The following USP20 variants were observed in gnomAD, a reference collection of about 807,000 sequenced individuals.
USP20 encodes the protein ubiquitin carboxyl-terminal hydrolase 20.
USP20 carries 80 observed loss-of-function variants against 124.2 expected under a neutral mutation model. The observed-to-expected ratio is 0.64, with a 90% CI of 0.54 to 0.78. USP20 has a LOEUF of 0.78. USP20 is among the 30% of genes least tolerant of loss of function. USP20 has a pLI of 0.00. For missense variants in USP20, 1,043 were observed against 1,244.4 expected (o/e 0.84, Z 2.44); for synonymous variants, 481 against 512.3 (o/e 0.94, Z 0.83).
At chr9:129,836,206 C>T (rs964364713) in intron 1 of USP20, among the ~76,000 whole-genome samples, 5 of 152,210 alleles carry the variant, frequency 3.3e-5, no homozygotes, top group African/African-American at 1.2e-4. Context: ...ATAATGGCTT[C>T]TAGGACTTTT....
At chr9:129,868,739 CAGAGG>C in intron 11 of USP20, 118 bp from the exon 12 acceptor site, 1 of 1,452,752 alleles carries the variant, frequency 6.9e-7, no homozygotes, top group Non-Finnish European at 9.1e-7. Context: ...GGGCACATGA[CAGAGG>C]AGACACATTA....
intron 1 of USP20, among the ~76,000 whole-genome samples, chr9:129,843,659 C>T (rs1303636615): frequency 1.3e-5 from 2 of 152,122 alleles, no homozygotes; most frequent in Admixed American, 1.3e-4. Flanking sequence ...ATTGCTTGAA[C>T]CCAGGAGGTG....
At chr9:129,867,945 G>A (rs943095655) in intron 10 of USP20, 60 bp from the exon 11 acceptor site, 87 of 1,546,268 alleles carry the variant, frequency 5.6e-5, no homozygotes, top group Non-Finnish European at 6.9e-5. Flanking sequence ...GCCACAGGGC[G>A]CTGGAGACTG....
chr9:129,878,626 C>A (rs905052077), intron 23 of USP20, among the ~76,000 whole-genome samples, 186 bp downstream of exon 23: 4 of 152,156 alleles, frequency 2.6e-5, no homozygotes, highest in African/African-American at 9.7e-5. Context: ...CTGTCCCCAC[C>A]CAGAGGCAGG....
chr9:129,853,356 T>C (rs1046352939), intron 3 of USP20, among the ~76,000 whole-genome samples: 4 of 152,230 alleles, frequency 2.6e-5, no homozygotes, highest in African/African-American at 7.2e-5. Flanking sequence ...AGCTTTCACA[T>C]TTGTTACCTT....
chr9:129,870,000 T>C, intron 14 of USP20, 156 bp downstream of exon 14: 1 of 830,126 alleles, frequency 1.2e-6, no homozygotes, highest in Non-Finnish European at 1.9e-6. Context: ...TGGCTTAATA[T>C]GCAGGGGATT....
chr9:129,845,659 T>G (rs1044120880), intron 1 of USP20, among the ~76,000 whole-genome samples: 5 of 152,042 alleles, frequency 3.3e-5, no homozygotes, highest in African/African-American at 1.2e-4. Context: ...CCAAAAGCAC[T>G]AGGATTACAG....
At chr9:129,873,170 G>A (rs912491765) in intron 15 of USP20, among the ~76,000 whole-genome samples, 9 of 126,576 alleles carry the variant, frequency 7.1e-5, no homozygotes, top group African/African-American at 2.6e-4. Context: ...TCTGCCCCGA[G>A]CCCCCCAGGT....
intron 9 of USP20, 102 bp from the exon 10 acceptor site, chr9:129,865,201 C>G (rs913319): frequency 8.0e-7 from 1 of 1,245,756 alleles, no homozygotes; most frequent in Non-Finnish European, 1.2e-6. Flanking sequence ...TGTCAGGAAA[C>G]GCCACACTCT....
chr9:129,850,374 A>G (rs1174534064), intron 2 of USP20, among the ~76,000 whole-genome samples: 2 of 152,178 alleles, frequency 1.3e-5, no homozygotes, highest in Non-Finnish European at 2.9e-5. Flanking sequence ...GAGACCTTAG[A>G]CAAGAAGGAG....
intron 1 of USP20, among the ~76,000 whole-genome samples, chr9:129,841,103 T>C (rs537660581): frequency 1.3e-5 from 2 of 152,308 alleles, no homozygotes; most frequent in East Asian, 3.9e-4. Flanking sequence ...ATCATGTATT[T>C]GTTTCCCAGA....
At chr9:129,876,752 T>C (rs903251132) in intron 22 of USP20, among the ~76,000 whole-genome samples, 44 of 152,090 alleles carry the variant, frequency 2.9e-4, no homozygotes, top group African/African-American at 9.2e-4. Flanking sequence ...AAGTGAAGCC[T>C]CATCGCCCGG....
intron 1 of USP20, among the ~76,000 whole-genome samples, chr9:129,840,131 A>G (rs987336190): frequency 5.3e-5 from 8 of 152,212 alleles, no homozygotes; most frequent in Non-Finnish European, 1.2e-4. Flanking sequence ...GTTGTACAGT[A>G]GGTCCTACTC....
intron 10 of USP20, among the ~76,000 whole-genome samples, chr9:129,867,306 C>T (rs1189523375): frequency 6.6e-6 from 1 of 152,208 alleles, no homozygotes; most frequent in East Asian, 1.9e-4. Flanking sequence ...GCTGCCTTGG[C>T]TTCCTGCTGT....
chr9:129,862,063 G>A (rs1410503630), intron 8 of USP20, among the ~76,000 whole-genome samples: 3 of 152,186 alleles, frequency 2.0e-5, no homozygotes, highest in Non-Finnish European at 4.4e-5. Flanking sequence ...AAGGCTGTGA[G>A]CTCCATGAGG....
chr9:129,869,944 C>T, intron 14 of USP20, 100 bp downstream of exon 14: 1 of 1,454,556 alleles, frequency 6.9e-7, no homozygotes, highest in Non-Finnish European at 9.4e-7. Context: ...TTTGGGGAAC[C>T]AGGGAGGTCC....
Position 129,869,692 on chromosome 9 carries a change from G to T in USP20, c.1413G>T (p.Thr471=). 1 of 1,614,124 alleles carries T rather than the reference G, an allele frequency of 6.2e-7. No homozygotes were observed. The highest frequency in any genetic ancestry group is 8.5e-7 in the Non-Finnish European group (1 of 1,180,036). Residue 471 remains threonine, a synonymous_variant, in exon 14 of 26, where the codon ACG becomes ACT. Coordinates refer to ENST00000372429, the MANE Select transcript of USP20 (RefSeq NM_001110303.4). ...CACAGGTATCCACCACAGTGGAAAC[G>T]TTCCAGGACTTATCACTGCCCATTC... The part of the protein sequence containing the change: ...TCDRVSTTVE[T]FQDLSLPIPG...
chr9:129,867,849 C>CA (rs2033894172), intron 10 of USP20, among the ~76,000 whole-genome samples, 156 bp from the exon 11 acceptor site: 1 of 152,160 alleles, frequency 6.6e-6, no homozygotes, highest in Non-Finnish European at 1.5e-5. Flanking sequence ...GGACAGACTG[C>CA]CATGGGAGGC....
At chr9:129,856,382 CA>C in intron 4 of USP20, 22 bp downstream of exon 4, 3 of 1,613,738 alleles carry the variant, frequency 1.9e-6, no homozygotes, top group Non-Finnish European at 2.5e-6. Context: ...TTGTGGCCAT[CA>C]GGGGTGTAGA....
Sources: allele counts gnomAD v4.1 joint callset (sites outside exome capture counted in the v4.1 genomes callset), GRCh38; gene constraint gnomAD v4.1.1; transcripts MANE v1.5; gene names NCBI Gene and HGNC (gene_info 2026-07-23, HGNC 2026-07-21).